KIAA1549L: variants seen among roughly 807,000 people sequenced by gnomAD.
The protein encoded by KIAA1549L is KIAA1549 like, also known as UPF0606 protein KIAA1549L.
A neutral mutation model predicts 160.7 loss-of-function variants in KIAA1549L; 88 were observed. The observed-to-expected ratio is 0.55, with a 90% CI of 0.46 to 0.65. The LOEUF is 0.65. Ranked by LOEUF, KIAA1549L falls within the 30% of genes least tolerant of loss-of-function variation. KIAA1549L has a pLI of 0.00. For synonymous variants in KIAA1549L, 950 were observed against 976.7 expected, an observed-to-expected ratio of 0.97 and a Z score of 0.51; for missense variants, 2,258 against 2,437.5, an observed-to-expected ratio of 0.93 and a Z score of 1.55.
At chr11:33,651,069 C>T (rs1219800010) in intron 17 of KIAA1549L, among the ~76,000 whole-genome samples, 2 of 152,198 alleles carry the variant, frequency 1.3e-5, no homozygotes, top group African/African-American at 4.8e-5. Flanking sequence ...TCCTTCCTAT[C>T]CACAGAGTGT....
rs1267904122 is a variant in KIAA1549L, at chr11:33,670,468, A to AAGAT, written c.*2317_*2320dup. On this transcript the variant is annotated 3_prime_UTR_variant, in exon 21 of 21. Transcript: ENST00000658780. The stretch of plus-strand genomic sequence containing the variant: ...GAGTGAGTCAACTGAGACGACTAAA[A>AAGAT]AGATAGCATGCTAAATCAGATACTG... 5.3e-5 allele frequency: 8 copies of AAGAT among 152,238 alleles called. No homozygotes were observed. Among genetic ancestry groups the AAGAT allele is most frequent in the South Asian group, 2.1e-4 (1 of 4,834 alleles). 9.4% of individuals were successfully genotyped at this position (152,238 alleles called of 1,614,324 possible). A position where few individuals can be genotyped will look rare whatever the true frequency, so the allele number is the denominator to read the frequency against.
chr11:33,647,434 C>T lies in KIAA1549L; in HGVS notation c.5760+1398C>T, dbSNP rs7939534. 9.4e-3 allele frequency among the ~76,000 whole-genome samples: 1,392 copies of T among 148,784 alleles called. 26 individuals carry two copies. The highest frequency in any genetic ancestry group is 0.033 in the African/African-American group (1,308 of 40,084). On this transcript the variant is annotated intron_variant, in intron 17 of 20. Transcript: ENST00000658780. ...GTGATTATTTATTAAGTAGCAATTA[C>T]ATTTCCATATTTGAAAAAGCATCCA...
At chr11:33,591,507 A>G (rs1850053174) in intron 12 of KIAA1549L, 86 bp downstream of exon 12, 1 of 1,079,338 alleles carries the variant, frequency 9.3e-7, no homozygotes, top group Non-Finnish European at 1.3e-6. Context: ...AGTTAATTCC[A>G]CGGTTCTCTT....
chr11:33,635,560 C>G (rs1364890538), intron 16 of KIAA1549L, among the ~76,000 whole-genome samples: 3 of 152,162 alleles, frequency 2.0e-5, no homozygotes, highest in Non-Finnish European at 2.9e-5. Context: ...ACTTGTGTGT[C>G]CTGGAAAGTG....
chr11:33,629,540 A>G (rs1383324790), intron 16 of KIAA1549L, among the ~76,000 whole-genome samples: 3 of 151,202 alleles, frequency 2.0e-5, no homozygotes, highest in African/African-American at 4.9e-5. Flanking sequence ...CATTCATTTC[A>G]TCTTCCATCG....
intron 1 of KIAA1549L, among the ~76,000 whole-genome samples, chr11:33,534,887 C>T (rs760764438): frequency 5.0e-4 from 76 of 152,352 alleles, no homozygotes; most frequent in Non-Finnish European, 8.8e-4. Flanking sequence ...CATTCCAAAG[C>T]TCCCTGCTTC....
chr11:33,670,919 T>C lies in KIAA1549L; in HGVS notation c.*2765T>C, dbSNP rs1345940563. 1 of 152,220 alleles carries C rather than the reference T, an allele frequency of 6.6e-6. No individual in the cohort carries two copies. The highest frequency in any genetic ancestry group is 1.5e-5 in the Non-Finnish European group (1 of 68,048). The allele number at this position is 152,220 out of a possible 1,614,324, so 9.4% of individuals were successfully genotyped here. ...CCAACCTCCTGGTTCACGAACCTGC[T>C]TGCTTTCCATCTCGCCATGTGGCCT... On this transcript the variant is annotated 3_prime_UTR_variant, in exon 21 of 21. Transcript: ENST00000658780.
intron 15 of KIAA1549L, among the ~76,000 whole-genome samples, chr11:33,617,138 A>AG (rs1223739101): frequency 2.0e-5 from 3 of 151,878 alleles, no homozygotes; most frequent in African/African-American, 4.8e-5. Context: ...TCTATCAAAA[A>AG]AAAAAAAAAA....
intron 6 of KIAA1549L, among the ~76,000 whole-genome samples, chr11:33,557,361 T>G (rs1854684133): frequency 6.6e-6 from 1 of 152,184 alleles, no homozygotes; most frequent in African/African-American, 2.4e-5. Flanking sequence ...TTTTTTTTTT[T>G]TTAGTTATTA....
intron 1 of KIAA1549L, among the ~76,000 whole-genome samples, chr11:33,475,584 G>A (rs753070988): frequency 6.6e-4 from 100 of 151,544 alleles, no homozygotes; most frequent in Admixed American, 9.9e-4. Context: ...CAGGTGCAGC[G>A]GCTCATGCCT....
In KIAA1549L at chr11:33,543,204, T is replaced by G; in HGVS notation, c.1641T>G (p.Val547=). 1 of 1,614,002 alleles carries G rather than the reference T, an allele frequency of 6.2e-7. No individual in the cohort carries two copies. Among genetic ancestry groups the G allele is most frequent in the Non-Finnish European group, 8.5e-7 (1 of 1,179,886 alleles). ...GAGACTTGCTCCTCTCAAGCAAAGT[T>G]CCTAATCTTCTTTCCACATCTTGGA... ...ATRDLLLSSK[V]PNLLSTSWTF... is the part of the protein sequence containing the mutation. The change falls in exon 2 of 21, where the codon GTT becomes GTG. Residue 547 remains valine, a synonymous_variant. Coordinates refer to ENST00000658780, the MANE Select transcript of KIAA1549L (RefSeq NM_012194.3).
intron 5 of KIAA1549L, 75 bp from the exon 6 acceptor site, chr11:33,552,033 A>G: frequency 2.6e-6 from 4 of 1,543,068 alleles, no homozygotes; most frequent in Non-Finnish European, 3.5e-6. Context: ...GCTGTTTTAT[A>G]TTATGACCAC....
intron 1 of KIAA1549L, among the ~76,000 whole-genome samples, chr11:33,437,457 T>C (rs1486657660): frequency 6.6e-6 from 1 of 152,214 alleles, no homozygotes; most frequent in African/African-American, 2.4e-5. Flanking sequence ...TCGCAGAAAC[T>C]GGGCATTGAA....
intron 3 of KIAA1549L, among the ~76,000 whole-genome samples, chr11:33,545,920 T>C (rs1854242808): frequency 6.6e-6 from 1 of 152,232 alleles, no homozygotes; most frequent in African/African-American, 2.4e-5. Flanking sequence ...AATTAGCTGA[T>C]AGCAAAAGCA....
chr11:33,533,322 G>T (rs564144867), intron 1 of KIAA1549L, among the ~76,000 whole-genome samples: 2 of 152,288 alleles, frequency 1.3e-5, no homozygotes, highest in African/African-American at 4.8e-5. Context: ...TATGCATGTG[G>T]TTCCTGAGAT....
At chr11:33,547,246 G>T (rs1482356665) in intron 3 of KIAA1549L, among the ~76,000 whole-genome samples, 1 of 152,204 alleles carries the variant, frequency 6.6e-6, no homozygotes, top group African/African-American at 2.4e-5. Context: ...CAAACTCAGG[G>T]CTGGGTGCTC....
chr11:33,605,080 T>G (rs1300532320), intron 13 of KIAA1549L, among the ~76,000 whole-genome samples: 1 of 152,196 alleles, frequency 6.6e-6, no homozygotes, highest in Non-Finnish European at 1.5e-5. Flanking sequence ...TGCTTCAAGG[T>G]CCTCAGAATG....
At chr11:33,497,292 A>T (rs1852843209) in intron 1 of KIAA1549L, among the ~76,000 whole-genome samples, 1 of 152,242 alleles carries the variant, frequency 6.6e-6, no homozygotes, top group African/African-American at 2.4e-5. Context: ...AATAGGCCTC[A>T]GTAAAACCTA....
At chr11:33,531,901 TG>T in intron 1 of KIAA1549L, among the ~76,000 whole-genome samples, 2 of 152,266 alleles carry the variant, frequency 1.3e-5, no homozygotes, top group East Asian at 3.9e-4. Context: ...TGCTCAGTAA[TG>T]TTTGCCAAAA....
Sources: allele counts gnomAD v4.1 joint callset (sites outside exome capture counted in the v4.1 genomes callset), GRCh38; gene constraint gnomAD v4.1.1; transcripts MANE v1.5; gene names NCBI Gene and HGNC (gene_info 2026-07-23, HGNC 2026-07-21).